PRKG1: variants seen among roughly 807,000 people sequenced by gnomAD.
PRKG1 encodes protein kinase cGMP-dependent 1.
In PRKG1, 35 loss-of-function variants were observed where a neutral mutation model predicts 88.1. The ratio of observed to expected loss-of-function variants is 0.40; its 90% CI spans 0.30 to 0.53. The LOEUF (loss-of-function observed/expected upper bound fraction) is 0.53, where lower values mean the gene tolerates loss of function less well. Among genes scored for constraint, PRKG1 ranks in the 20% least tolerant of loss-of-function variants. The pLI is 0.59. For synonymous variants in PRKG1, 303 were observed against 292.5 expected (o/e 1.04, Z -0.37); for missense variants, 540 against 839.8 (o/e 0.64, Z 4.41).
intron 5 of PRKG1, among the ~76,000 whole-genome samples, chr10:51,958,705 G>T (rs1325210827): frequency 6.6e-6 from 1 of 151,858 alleles, no homozygotes; most frequent in Non-Finnish European, 1.5e-5. Flanking sequence ...ATATTTCCTG[G>T]CATTTCAAGT....
chr10:51,850,402 C>T (rs563416287), intron 4 of PRKG1, among the ~76,000 whole-genome samples: 128 of 152,060 alleles, frequency 8.4e-4, no homozygotes, highest in Non-Finnish European at 1.6e-3. Context: ...GTCGCAAATT[C>T]CTGACCTCAG....
intron 5 of PRKG1, among the ~76,000 whole-genome samples, chr10:52,007,093 G>T (rs531423112): frequency 1.4e-3 from 209 of 152,254 alleles, no homozygotes; most frequent in Non-Finnish European, 2.1e-3. Context: ...AATTTGTTAC[G>T]ACTAGACCTG....
intron 9 of PRKG1, among the ~76,000 whole-genome samples, chr10:52,203,201 C>G (rs138487141): frequency 0.013 from 1,989 of 152,192 alleles, 43 homozygotes; most frequent in African/African-American, 0.045. Context: ...CTCTGTGATT[C>G]TGGTATACTG....
chr10:51,352,534 A>G (rs1026330558), intron 2 of PRKG1, among the ~76,000 whole-genome samples: 1 of 152,188 alleles, frequency 6.6e-6, no homozygotes, highest in African/African-American at 2.4e-5. Flanking sequence ...TTAACAAACA[A>G]AGAAGTGAAA....
chr10:51,097,437 G>A (rs897876720), intron 1 of PRKG1, among the ~76,000 whole-genome samples: 2 of 152,050 alleles, frequency 1.3e-5, no homozygotes, highest in African/African-American at 4.8e-5. Context: ...TGCCAAGGTT[G>A]GTCTGAAACT....
intron 7 of PRKG1, among the ~76,000 whole-genome samples, chr10:52,105,565 C>A (rs77072933): frequency 2.6e-5 from 4 of 152,136 alleles, no homozygotes; most frequent in African/African-American, 9.7e-5. Context: ...TCTTTGAAAT[C>A]TTTCGGAGAA....
intron 3 of PRKG1, among the ~76,000 whole-genome samples, chr10:51,700,357 G>A (rs990526380): frequency 1.3e-5 from 2 of 152,056 alleles, no homozygotes; most frequent in East Asian, 1.9e-4. Flanking sequence ...AATATTAATT[G>A]GTGATTAAAT....
intron 3 of PRKG1, among the ~76,000 whole-genome samples, chr10:51,614,738 T>C (rs1589132125): frequency 6.6e-6 from 1 of 152,042 alleles, no homozygotes; most frequent in Non-Finnish European, 1.5e-5. Context: ...GTTTTCATGA[T>C]GGTAAATGTC....
At chr10:52,250,170 T>C (rs2132398333) in intron 9 of PRKG1, among the ~76,000 whole-genome samples, 1 of 152,318 alleles carries the variant, frequency 6.6e-6, no homozygotes, top group Non-Finnish European at 1.5e-5. Context: ...GATCACTATG[T>C]TGATCTCTTG....
intron 1 of PRKG1, among the ~76,000 whole-genome samples, chr10:51,044,983 A>G (rs184153468): frequency 3.9e-5 from 6 of 152,268 alleles, no homozygotes; most frequent in African/African-American, 9.6e-5. Flanking sequence ...AGGCTGTGCT[A>G]TGATATTTTA....
chr10:51,014,380 C>T (rs912573606), intron 1 of PRKG1, among the ~76,000 whole-genome samples: 12 of 150,774 alleles, frequency 8.0e-5, no homozygotes, highest in African/African-American at 2.4e-4. Context: ...CATCAGCCAA[C>T]GTAAGATGGC....
chr10:52,207,505 G>A (rs536634145), intron 9 of PRKG1, among the ~76,000 whole-genome samples: 1 of 152,254 alleles, frequency 6.6e-6, no homozygotes, highest in Admixed American at 6.5e-5. Context: ...TCAACCAAAG[G>A]CTAATGCCAC....
At chr10:52,001,401 T>G (rs919062031) in intron 5 of PRKG1, among the ~76,000 whole-genome samples, 1 of 151,896 alleles carries the variant, frequency 6.6e-6, no homozygotes, top group African/African-American at 2.4e-5. Context: ...GTGATGCATA[T>G]GTTAATTAGC....
intron 7 of PRKG1, among the ~76,000 whole-genome samples, chr10:52,108,407 A>G (rs1387868588): frequency 2.0e-5 from 3 of 152,178 alleles, no homozygotes; most frequent in Non-Finnish European, 4.4e-5. Context: ...AGTGATGTAC[A>G]CCATGATGAC....
At chr10:51,428,181 C>T (rs537121766) in intron 2 of PRKG1, among the ~76,000 whole-genome samples, 2 of 152,186 alleles carry the variant, frequency 1.3e-5, no homozygotes, top group African/African-American at 4.8e-5. Flanking sequence ...CATGCATCCT[C>T]GTTATGCAAC....
chr10:51,061,804 A>C (rs1395038166), intron 1 of PRKG1, among the ~76,000 whole-genome samples: 1 of 152,234 alleles, frequency 6.6e-6, no homozygotes, highest in Non-Finnish European at 1.5e-5. Flanking sequence ...TTTCAGTTTC[A>C]AAAAGTTCTT....
At chr10:51,400,519 C>G (rs963454258) in intron 2 of PRKG1, among the ~76,000 whole-genome samples, 3 of 152,136 alleles carry the variant, frequency 2.0e-5, no homozygotes, top group Non-Finnish European at 4.4e-5. Context: ...TATTTTAGAG[C>G]TCCTCTGATT....
At chr10:52,140,023 C>T (rs1017757839) in intron 8 of PRKG1, among the ~76,000 whole-genome samples, 5 of 152,162 alleles carry the variant, frequency 3.3e-5, no homozygotes, top group Non-Finnish European at 7.3e-5. Context: ...TATTTATGGA[C>T]ATTGACATTT....
chr10:52,238,669 C>T (rs1299239700), intron 9 of PRKG1, among the ~76,000 whole-genome samples: 2 of 148,702 alleles, frequency 1.3e-5, no homozygotes, highest in African/African-American at 4.9e-5. Flanking sequence ...AGTCAGGAAA[C>T]AACAGGTGCT....
Sources: gnomAD v4.1 joint callset for allele counts (sites outside exome capture counted in the v4.1 genomes callset) on GRCh38, gnomAD v4.1.1 for gene constraint, MANE v1.5 for transcripts, NCBI Gene and HGNC (gene_info 2026-07-23, HGNC 2026-07-21) for gene names.